THBS2: variants seen among roughly 807,000 people sequenced by gnomAD.
The protein encoded by THBS2 is thrombospondin-2.
THBS2 carries 47 observed loss-of-function variants against 135.2 expected under a neutral mutation model. The observed-to-expected ratio is 0.35, with a 90% CI of 0.28 to 0.44. The LOEUF is 0.44. Among genes scored for constraint, THBS2 ranks in the 20% least tolerant of loss-of-function variants. THBS2 has a pLI of 1.00. For synonymous variants in THBS2, 639 were observed against 633.8 expected (o/e 1.01, Z -0.12); for missense variants, 1,288 against 1,603.1 (o/e 0.80, Z 3.36).
rs181721954 is a variant in THBS2 at position 169,219,564 on chromosome 6, C to T, written c.3511+634G>A. 1.1e-4 allele frequency among the ~76,000 whole-genome samples: 17 copies of T among 152,240 alleles called. No homozygotes were observed. The South Asian group carries it at 2.1e-3, about 19-fold the overall frequency. ...TTTGCCCTGTTGGCCAGGCTGGTCT[C>T]GAACTCCTGACCTCAGGGGATCCAC... is the stretch of plus-strand genomic sequence containing the variant. On this transcript the variant is annotated intron_variant, in intron 21 of 21. Coordinates refer to ENST00000617924, the MANE Select transcript of THBS2 (RefSeq NM_003247.5).
chr6:169,226,115 C>T (rs1029214686), intron 16 of THBS2, 65 bp downstream of exon 16: 11 of 1,484,916 alleles, frequency 7.4e-6, no homozygotes, highest in Admixed American at 6.9e-5. Flanking sequence ...ATCCCCCACA[C>T]CGCCACCGTC....
At chr6:169,218,641 T>C (rs1007480259) in intron 21 of THBS2, among the ~76,000 whole-genome samples, 1 of 90,512 alleles carries the variant, frequency 1.1e-5, no homozygotes, top group Non-Finnish European at 2.6e-5. Flanking sequence ...ATGAGATGGA[T>C]GGTTGGGTGA....
rs1319356167 is a variant in THBS2, at chr6:169,241,433, GTGTGTA to G, written c.891+323_891+328del. ...TGTGTGTGTATGTGTGTGTATGTGT[GTGTGTA>G]TGTGTGTGTGTGTGTGTACACTCAT... On this transcript the variant is annotated intron_variant, in intron 5 of 21. Coordinates refer to ENST00000617924, the MANE Select transcript of THBS2 (RefSeq NM_003247.5). The surrounding 1 kb of genome is among the most constrained non-coding windows in gnomAD (Gnocchi z 5.5). Among the ~76,000 whole-genome samples the G allele has an allele frequency of 1.3e-3, 185 of 147,962 alleles. No individual in the cohort carries two copies. The highest frequency in any genetic ancestry group is 4.4e-3 in the African/African-American group (175 of 39,424).
chr6:169,236,153 TCCACACTCACTCC>T (rs1780049030), intron 9 of THBS2, among the ~76,000 whole-genome samples: 1 of 87,432 alleles, frequency 1.1e-5, no homozygotes, highest in Non-Finnish European at 2.2e-5. Flanking sequence ...TCACTCCCCA[TCCACACTCACTCC>T]CCATCCACAC....
intron 1 of THBS2, among the ~76,000 whole-genome samples, chr6:169,251,612 C>T (rs182434107): frequency 6.6e-6 from 1 of 152,248 alleles, no homozygotes; most frequent in Non-Finnish European, 1.5e-5. Context: ...TTGGTCACAC[C>T]CTGCTCTAGG....
Position 169,234,867 on chromosome 6 carries a change from G to A in THBS2, c.1518C>T (p.Cys506=), listed in dbSNP as rs970348516. 1.2e-6 allele frequency: 2 copies of A among 1,612,420 alleles called. No homozygotes were observed. Among genetic ancestry groups the A allele is most frequent in the African/African-American group, 2.7e-5 (2 of 75,036 alleles). The change falls in exon 10 of 22, where the codon TGC becomes TGT. Residue 506 remains cysteine (C), a synonymous_variant. Coordinates refer to ENST00000617924, the MANE Select transcript of THBS2 (RefSeq NM_003247.5). Reference sequence around the variant, plus strand: ...GGATCCCACCGGCACAGGTGACAGTGCAGGCCGACCACGGGGACCAGGGGC... The same window carrying A: ...GGATCCCACCGGCACAGGTGACAGTACAGGCCGACCACGGGGACCAGGGGC... ...RWSPWSPWSA[C]TVTCAGGIRE... is the part of the protein sequence containing the mutation.
rs138567974 is a variant in THBS2, at chr6:169,228,816, C to T, written c.2260-535G>A. On this transcript the variant is annotated intron_variant, in intron 14 of 21. Coordinates refer to ENST00000617924, the MANE Select transcript of THBS2 (RefSeq NM_003247.5). The stretch of plus-strand genomic sequence containing the variant: ...GTGTGCGCCTGTAATGCCAGTTACT[C>T]AGGAGACTGAGGCAAGAGAATCGCT... Among the ~76,000 whole-genome samples, 5 of 149,470 alleles carry T rather than the reference C, an allele frequency of 3.3e-5. No individual in the cohort carries two copies. The South Asian group carries it at 1.0e-3, about 31-fold the overall frequency.
At chr6:169,246,051 A>G in intron 4 of THBS2, 146 bp downstream of exon 4, 1 of 534,146 alleles carries the variant, frequency 1.9e-6, no homozygotes, top group Non-Finnish European at 3.3e-6. Context: ...AAGTCACTCA[A>G]AGACAATAGT....
At position 169,232,818 on chromosome 6, in the gene THBS2, T is replaced by C. The variant is rs1317423129; in HGVS notation, c.1780-2A>G. The C allele has an allele frequency of 1.7e-5, 27 of 1,612,538 alleles. No homozygotes were observed. The highest frequency in any genetic ancestry group is 2.1e-5 in the Non-Finnish European group (25 of 1,179,230). On this transcript the variant is annotated splice_acceptor_variant, in intron 11 of 21. Transcript: ENST00000617924. LOFTEE classifies it high-confidence loss of function. ...GCAGATGTCGGGGACCAGGGCACAC[T>C]GCGGGGACAAGCAGACATGAGAGGC...
At chr6:169,245,264 T>C (rs550921183) in intron 4 of THBS2, among the ~76,000 whole-genome samples, 13 of 152,228 alleles carry the variant, frequency 8.5e-5, no homozygotes, top group African/African-American at 2.9e-4. Context: ...CTTTGTAAAA[T>C]GAAGAAAGTG....
At chr6:169,226,588 T>C (rs1184340909) in intron 15 of THBS2, among the ~76,000 whole-genome samples, 4 of 152,236 alleles carry the variant, frequency 2.6e-5, no homozygotes, top group Non-Finnish European at 4.4e-5. Flanking sequence ...TGTCGCCGTG[T>C]AAATCTGAGC....
chr6:169,234,511 A>T (rs1324711361), intron 10 of THBS2: 2 of 511,032 alleles, frequency 3.9e-6, no homozygotes, highest in Non-Finnish European at 6.8e-6. Context: ...CACGCCACAC[A>T]ACTACCCACA....
At chr6:169,230,793 G>A (rs745691024) in intron 13 of THBS2, among the ~76,000 whole-genome samples, 10 of 152,168 alleles carry the variant, frequency 6.6e-5, no homozygotes, top group Admixed American at 1.3e-4. Context: ...GCCAAGGGGT[G>A]TAACATAGGT....
intron 20 of THBS2, among the ~76,000 whole-genome samples, chr6:169,220,599 G>A (rs1779388886): frequency 6.6e-6 from 1 of 152,180 alleles, no homozygotes; most frequent in Admixed American, 6.5e-5. Context: ...CCAGGCAAGG[G>A]CTTTAGAGGA....
At chr6:169,242,615 C>CTG (rs1780357626) in intron 4 of THBS2, among the ~76,000 whole-genome samples, 1 of 71,658 alleles carries the variant, frequency 1.4e-5, no homozygotes, top group African/African-American at 5.2e-5. Flanking sequence ...CACCTTCCCA[C>CTG]CGCTCCCACC....
chr6:169,225,422 T>C (rs1779592569), intron 16 of THBS2, 43 bp from the exon 17 acceptor site: 1 of 1,535,582 alleles, frequency 6.5e-7, no homozygotes, highest in Admixed American at 2.0e-5. Flanking sequence ...GACTGCCAGT[T>C]TGAGGAGGTG....
intron 3 of THBS2, among the ~76,000 whole-genome samples, chr6:169,246,954 A>G (rs1004487069): frequency 1.3e-5 from 2 of 152,200 alleles, no homozygotes; most frequent in African/African-American, 2.4e-5. Flanking sequence ...TTCCAAACAT[A>G]TTTTAACCAA....
intron 3 of THBS2, among the ~76,000 whole-genome samples, 171 bp downstream of exon 3, chr6:169,248,246 G>A (rs568284004): frequency 2.0e-5 from 3 of 152,198 alleles, no homozygotes; most frequent in Admixed American, 1.3e-4. Flanking sequence ...GTGTGTGCAT[G>A]TGCATGTGGT....
chr6:169,225,466 G>A (rs1031743529), intron 16 of THBS2, 87 bp from the exon 17 acceptor site: 46 of 1,336,474 alleles, frequency 3.4e-5, no homozygotes, highest in Middle Eastern at 3.9e-4. Flanking sequence ...CCTGAGAGCC[G>A]GCCTCCTCGT....
Sources: gnomAD v4.1 joint callset for allele counts (sites outside exome capture counted in the v4.1 genomes callset) on GRCh38, gnomAD v4.1.1 for gene constraint, Gnocchi (gnomAD v3.1) non-coding constraint, MANE v1.5 for transcripts, NCBI Gene and HGNC (gene_info 2026-07-23, HGNC 2026-07-21) for gene names.